Variants in ASIC2 observed in about 807,000 individuals in gnomAD.
The protein encoded by ASIC2 is acid sensing ion channel subunit 2.
In ASIC2, 25 loss-of-function variants were observed where a neutral mutation model predicts 57.3. That is an observed-to-expected ratio of 0.44 (90% CI 0.32 to 0.61). The LOEUF (loss-of-function observed/expected upper bound fraction) is 0.61, where lower values mean the gene tolerates loss of function less well. Ranked by LOEUF, ASIC2 falls within the 20% of genes least tolerant of loss-of-function variation. ASIC2 has a pLI of 0.06. For synonymous variants in ASIC2, 319 were observed against 307.5 expected (o/e 1.04, Z -0.39); for missense variants, 641 against 738.1 (o/e 0.87, Z 1.52).
At chr17:33,168,452 C>T (rs994497728) in intron 1 of ASIC2, among the ~76,000 whole-genome samples, 1 of 151,834 alleles carries the variant, frequency 6.6e-6, no homozygotes, top group Non-Finnish European at 1.5e-5. Flanking sequence ...AAGTTTGGAA[C>T]TCTTAGAAAT....
chr17:33,124,950 AGTTCACAATAGG>A (rs61165772), intron 1 of ASIC2, among the ~76,000 whole-genome samples: 86,685 of 151,020 alleles, frequency 0.57, 25,037 homozygotes, highest in African/African-American at 0.63. Flanking sequence ...TCACATGCAC[AGTTCACAATAGG>A]GTTCACGCTC....
intron 1 of ASIC2, among the ~76,000 whole-genome samples, chr17:33,342,763 A>C (rs965696110): frequency 6.6e-6 from 1 of 152,094 alleles, no homozygotes; most frequent in East Asian, 1.9e-4. Flanking sequence ...TTTCTGGGCA[A>C]AGCTCAGATC....
At chr17:33,518,977 C>T (rs1023209392) in intron 1 of ASIC2, among the ~76,000 whole-genome samples, 3 of 152,030 alleles carry the variant, frequency 2.0e-5, no homozygotes, top group African/African-American at 4.8e-5. Flanking sequence ...CCCGCCACTG[C>T]GTCCAGCTAA....
intron 1 of ASIC2, among the ~76,000 whole-genome samples, chr17:33,838,666 A>T (rs999436360): frequency 2.0e-5 from 3 of 152,138 alleles, no homozygotes; most frequent in African/African-American, 7.2e-5. Context: ...ACACAACAAT[A>T]GTTAGATAAC....
At chr17:33,110,329 T>G (rs765008131) in intron 2 of ASIC2, among the ~76,000 whole-genome samples, 2 of 152,158 alleles carry the variant, frequency 1.3e-5, no homozygotes, top group African/African-American at 2.4e-5. Context: ...TCCCAGGGCC[T>G]GGTTGGCCTC....
At chr17:33,708,586 A>T (rs1908930807) in intron 1 of ASIC2, among the ~76,000 whole-genome samples, 1 of 152,010 alleles carries the variant, frequency 6.6e-6, no homozygotes, top group Non-Finnish European at 1.5e-5. Context: ...GTGGCTGCAA[A>T]ACTTCTTTCC....
intron 1 of ASIC2, among the ~76,000 whole-genome samples, chr17:33,490,214 C>T (rs889213035): frequency 4.6e-5 from 7 of 152,192 alleles, no homozygotes; most frequent in African/African-American, 1.7e-4. Context: ...GCCTGCAAGG[C>T]CCAAAATATT....
intron 1 of ASIC2, among the ~76,000 whole-genome samples, chr17:33,758,590 A>C (rs886414655): frequency 2.0e-5 from 3 of 152,184 alleles, no homozygotes; most frequent in Non-Finnish European, 4.4e-5. Context: ...CTCTGCCCTC[A>C]TGAATGGATT....
At chr17:33,742,052 A>G (rs139787947) in intron 1 of ASIC2, among the ~76,000 whole-genome samples, 8 of 152,296 alleles carry the variant, frequency 5.3e-5, no homozygotes, top group African/African-American at 1.9e-4. Context: ...CAGAAACTTT[A>G]GGAGAAATGG....
intron 1 of ASIC2, among the ~76,000 whole-genome samples, chr17:33,993,028 T>C (rs749996734): frequency 6.6e-6 from 1 of 151,920 alleles, no homozygotes; most frequent in Non-Finnish European, 1.5e-5. Flanking sequence ...AGTCCTGGAG[T>C]GGGTATTGGA....
chr17:33,121,135 G>A (rs147323909), intron 1 of ASIC2, among the ~76,000 whole-genome samples: 2 of 152,340 alleles, frequency 1.3e-5, no homozygotes, highest in African/African-American at 2.4e-5. Context: ...GGCTTGGATC[G>A]TGCATAAGCC....
Position 33,379,438 on chromosome 17 carries a change from C to A in ASIC2, c.556-267371G>T, listed in dbSNP as rs973193902. On this transcript the variant is annotated intron_variant, in intron 1 of 9. Coordinates refer to the ASIC2 transcript ENST00000359872. The stretch of plus-strand genomic sequence containing the variant: ...TGTTTGGTTCTAAGCACTTTATCCA[C>A]AACTGGTCTCCCACATATCCAGATT... Among the ~76,000 whole-genome samples, 3 of 152,224 alleles carry A rather than the reference C, an allele frequency of 2.0e-5. No homozygotes were observed. The East Asian group carries it at 5.8e-4, about 29-fold the overall frequency.
At chr17:33,830,137 A>G (rs966543001) in intron 1 of ASIC2, among the ~76,000 whole-genome samples, 35 of 152,310 alleles carry the variant, frequency 2.3e-4, no homozygotes, top group Non-Finnish European at 4.1e-4. Context: ...AATTAAGCTG[A>G]AATCTGGCTT....
rs976535834 is a variant in ASIC2 at position 33,363,829 on chromosome 17, C to T, written c.556-251762G>A. Among the ~76,000 whole-genome samples, 7 of 152,304 alleles carry T rather than the reference C, an allele frequency of 4.6e-5. No homozygotes were observed. The South Asian group carries it at 6.2e-4, about 14-fold the overall frequency. ...TTTCCATCTGGACCCTCCAAGCTTC[C>T]GGGCACATTGGGGGAATATTAATGG... On this transcript the variant is annotated intron_variant, in intron 1 of 9. Transcript: ENST00000359872.
intron 1 of ASIC2, among the ~76,000 whole-genome samples, chr17:33,425,985 C>T (rs1203032639): frequency 6.6e-6 from 1 of 152,096 alleles, no homozygotes; most frequent in East Asian, 1.9e-4. Context: ...GAGAGAGGGG[C>T]TAGTAAGGGC....
At chr17:33,763,398 G>A (rs1456586068) in intron 1 of ASIC2, among the ~76,000 whole-genome samples, 1 of 152,176 alleles carries the variant, frequency 6.6e-6, no homozygotes, top group Non-Finnish European at 1.5e-5. Flanking sequence ...CTCTAGCCCT[G>A]ACCTTCAGGT....
intron 1 of ASIC2, among the ~76,000 whole-genome samples, chr17:33,432,436 G>A (rs1440977947): frequency 2.6e-5 from 4 of 152,056 alleles, no homozygotes; most frequent in Non-Finnish European, 5.9e-5. Context: ...GATCCCTTTG[G>A]GAGGATCGCT....
chr17:33,089,957 T>C (rs1165895946), intron 2 of ASIC2, among the ~76,000 whole-genome samples: 1 of 152,182 alleles, frequency 6.6e-6, no homozygotes, highest in Non-Finnish European at 1.5e-5. Context: ...CAGATCCCCC[T>C]CTCTGTCTTG....
intron 1 of ASIC2, among the ~76,000 whole-genome samples, chr17:33,707,753 C>A (rs536534076): frequency 6.6e-5 from 10 of 152,272 alleles, no homozygotes; most frequent in African/African-American, 2.4e-4. Flanking sequence ...TATCTGGTAT[C>A]TTTTCGCATT....
Sources: gnomAD v4.1 joint callset for allele counts (sites outside exome capture counted in the v4.1 genomes callset) on GRCh38, gnomAD v4.1.1 for gene constraint, MANE v1.5 for transcripts, NCBI Gene and HGNC (gene_info 2026-07-23, HGNC 2026-07-21) for gene names.